Variants in RAB3C observed in about 807,000 individuals in gnomAD.
RAB3C encodes RAB3C, member RAS oncogene family.
RAB3C carries 17 observed loss-of-function variants against 26.4 expected under a neutral mutation model. That is an observed-to-expected ratio of 0.64 (90% CI 0.44 to 0.97). The LOEUF is 0.97. Ranked by LOEUF, RAB3C falls within the 50% of genes least tolerant of loss-of-function variation. RAB3C has a pLI of 0.00. For synonymous variants in RAB3C, 91 were observed against 95.9 expected, an observed-to-expected ratio of 0.95 and a Z score of 0.30; for missense variants, 242 against 281.9, an observed-to-expected ratio of 0.86 and a Z score of 1.01.
chr5:58,827,046 C>G (rs1394996459), intron 4 of RAB3C, among the ~76,000 whole-genome samples: 1 of 152,226 alleles, frequency 6.6e-6, no homozygotes, highest in African/African-American at 2.4e-5. Context: ...GGCTGGTGTA[C>G]GGTCTCCTGT....
intron 4 of RAB3C, among the ~76,000 whole-genome samples, chr5:58,845,674 G>T (rs981805787): frequency 3.0e-5 from 4 of 133,606 alleles, no homozygotes; most frequent in Non-Finnish European, 6.4e-5. Context: ...ATACATATAT[G>T]TATATATGTG....
chr5:58,617,620 G>GT, intron 1 of RAB3C, 23 bp from the exon 2 acceptor site: 1 of 1,568,896 alleles, frequency 6.4e-7, no homozygotes, highest in Non-Finnish European at 8.8e-7. Context: ...TTTTGTTTTT[G>GT]TTTTGTTTTG....
At chr5:58,591,725 G>A (rs891358345) in intron 1 of RAB3C, among the ~76,000 whole-genome samples, 5 of 149,588 alleles carry the variant, frequency 3.3e-5, no homozygotes, top group Admixed American at 6.7e-5. Context: ...CTTTTTCTTG[G>A]TCCATTTTCA....
At chr5:58,774,648 G>T (rs1742089847) in intron 3 of RAB3C, among the ~76,000 whole-genome samples, 1 of 152,006 alleles carries the variant, frequency 6.6e-6, no homozygotes, top group Admixed American at 6.6e-5. Flanking sequence ...GGGAATGGGG[G>T]CAGAGTCTAC....
At chr5:58,669,606 C>T (rs748286755) in intron 2 of RAB3C, among the ~76,000 whole-genome samples, 43 of 152,194 alleles carry the variant, frequency 2.8e-4, no homozygotes, top group Non-Finnish European at 5.7e-4. Flanking sequence ...CAGCTGAGAT[C>T]ACATGCCGGC....
chr5:58,594,768 A>T (rs972575315), intron 1 of RAB3C, among the ~76,000 whole-genome samples: 2 of 150,444 alleles, frequency 1.3e-5, no homozygotes, highest in African/African-American at 4.9e-5. Flanking sequence ...ATGTTTTGAT[A>T]TTTTTTAAAT....
At chr5:58,659,509 G>GCA (rs1424168758) in intron 2 of RAB3C, among the ~76,000 whole-genome samples, 1 of 152,116 alleles carries the variant, frequency 6.6e-6, no homozygotes, top group African/African-American at 2.4e-5. Context: ...CCAATGAAAG[G>GCA]AATAGACTTC....
intron 2 of RAB3C, among the ~76,000 whole-genome samples, chr5:58,627,064 TAG>T (rs1747068042): frequency 6.6e-6 from 1 of 152,172 alleles, no homozygotes. Context: ...TGCATTTAAA[TAG>T]AGTCATCAAC....
At chr5:58,765,177 C>T (rs1312689092) in intron 3 of RAB3C, among the ~76,000 whole-genome samples, 1 of 151,982 alleles carries the variant, frequency 6.6e-6, no homozygotes, top group African/African-American at 2.4e-5. Flanking sequence ...ATTAATATAC[C>T]CCTAACTTTC....
At chr5:58,650,627 A>G (rs555961952) in intron 2 of RAB3C, among the ~76,000 whole-genome samples, 29 of 152,318 alleles carry the variant, frequency 1.9e-4, no homozygotes, top group African/African-American at 7.0e-4. Flanking sequence ...ATCAGCTTTC[A>G]TAATTATAGT....
chr5:58,715,364 T>C (rs559045115), intron 2 of RAB3C, among the ~76,000 whole-genome samples: 102 of 152,028 alleles, frequency 6.7e-4, no homozygotes, highest in African/African-American at 2.3e-3. Flanking sequence ...TCTTAGGTGA[T>C]TTTTTTTCTT....
intron 2 of RAB3C, among the ~76,000 whole-genome samples, chr5:58,677,394 G>A (rs1748251201): frequency 1.3e-5 from 2 of 151,998 alleles, no homozygotes; most frequent in Admixed American, 6.6e-5. Context: ...AAGTCTTTTG[G>A]ATAGCTAGCT....
At chr5:58,752,049 T>C (rs951118451) in intron 3 of RAB3C, among the ~76,000 whole-genome samples, 1 of 148,286 alleles carries the variant, frequency 6.7e-6, no homozygotes, top group Admixed American at 6.7e-5. Context: ...GTTAACAAAA[T>C]TATTACAGAG....
chr5:58,690,686 CTTGAAA>C (rs1748553200), intron 2 of RAB3C, among the ~76,000 whole-genome samples: 1 of 152,108 alleles, frequency 6.6e-6, no homozygotes, highest in East Asian at 1.9e-4. Context: ...AAGTAAAAAA[CTTGAAA>C]CTGTCAGGTC....
chr5:58,585,943 C>T (rs1379174068), intron 1 of RAB3C, among the ~76,000 whole-genome samples: 1 of 152,002 alleles, frequency 6.6e-6, no homozygotes, highest in African/African-American at 2.4e-5. Flanking sequence ...TCTTCTCATT[C>T]AGTGTATACA....
chr5:58,644,277 A>C (rs1387118058), intron 2 of RAB3C: 1 of 152,240 alleles, frequency 6.6e-6, no homozygotes, highest in African/African-American at 2.4e-5. Context: ...TTGGATTTCA[A>C]TTCTAGCTCT....
At chr5:58,699,736 G>A (rs903022573) in intron 2 of RAB3C, among the ~76,000 whole-genome samples, 24 of 152,246 alleles carry the variant, frequency 1.6e-4, no homozygotes, top group African/African-American at 5.8e-4. Context: ...TGTGCTAGCA[G>A]TGAGCAAGGC....
At chr5:58,836,324 ATATAATG>A in intron 4 of RAB3C, among the ~76,000 whole-genome samples, 1 of 152,250 alleles carries the variant, frequency 6.6e-6, no homozygotes, top group South Asian at 2.1e-4. Context: ...TTTTTGATAC[ATATAATG>A]TATTGTGGTC....
intron 3 of RAB3C, among the ~76,000 whole-genome samples, chr5:58,729,723 C>A (rs1021120470): frequency 1.4e-5 from 2 of 146,056 alleles, no homozygotes; most frequent in Admixed American, 6.9e-5. Context: ...TATATAAACA[C>A]AAAAAATATT....
Sources: gnomAD v4.1 joint callset for allele counts (sites outside exome capture counted in the v4.1 genomes callset) on GRCh38, gnomAD v4.1.1 for gene constraint, MANE v1.5 for transcripts, NCBI Gene and HGNC (gene_info 2026-07-23, HGNC 2026-07-21) for gene names.